The following RMI1 variants were observed in gnomAD, a reference collection of about 807,000 sequenced individuals.
RMI1 encodes recQ-mediated genome instability protein 1.
In RMI1, 36 loss-of-function variants were observed where a neutral mutation model predicts 46.7. The ratio of observed to expected loss-of-function variants is 0.77; its 90% confidence interval spans 0.59 to 1.02. The LOEUF (loss-of-function observed/expected upper bound fraction) is 1.02, where lower values mean the gene tolerates loss of function less well. Among genes scored for constraint, RMI1 ranks in the 50% least tolerant of loss-of-function variants. The pLI is 0.00. For missense variants in RMI1, 676 were observed against 713.7 expected, an observed-to-expected ratio of 0.95 and a Z score of 0.60; for synonymous variants, 250 against 252.9, an observed-to-expected ratio of 0.99 and a Z score of 0.11.
intron 1 of RMI1, among the ~76,000 whole-genome samples, chr9:83,984,372 C>T (rs747108718): frequency 1.3e-5 from 2 of 150,280 alleles, no homozygotes; most frequent in Non-Finnish European, 2.9e-5. Context: ...TGGGTTCAAA[C>T]GATTCTCCTG....
Position 84,002,732 on chromosome 9 carries a change from A to G in RMI1, c.1746A>G (p.Gln582=). Residue 582 remains glutamine (Q), a synonymous_variant, in exon 3 of 3, where the codon CAA becomes CAG. Transcript: ENST00000445877. ...QKFLEGLQKC[Q]RDLIDLCCLM... ...TCCTGGAAGGGTTGCAGAAATGTCA[A>G]AGAGATCTAATAGATTTGTGCTGTC... 3 of 1,613,948 alleles carry G rather than the reference A, an allele frequency of 1.9e-6. No individual in the cohort carries two copies. The highest frequency in any genetic ancestry group is 2.5e-6 in the Non-Finnish European group (3 of 1,179,898).
rs1024491039 is a variant in RMI1, at chr9:83,989,673, A to AAT, written c.-126+8783_-126+8784insTA. Among the ~76,000 whole-genome samples, 82 of 148,628 alleles carry AAT rather than the reference A, an allele frequency of 5.5e-4. 2 individuals are homozygous for AAT. Among genetic ancestry groups the AAT allele is most frequent in the Middle Eastern group, 6.8e-3 (2 of 292 alleles). ...AAAATGGCTATCAAAAAGACAAAAA[A>AAT]AAAAATAAAATAAAATAAAAAAGAT... On this transcript the variant is annotated intron_variant, in intron 1 of 2. Transcript: ENST00000445877.
At position 84,001,180 on chromosome 9, in the gene RMI1, A is replaced by T; in HGVS notation, c.194A>T (p.Glu65Val). The T allele has an allele frequency of 6.2e-7, 1 of 1,614,132 alleles. No homozygotes were observed. The highest frequency in any genetic ancestry group is 8.5e-7 in the Non-Finnish European group (1 of 1,179,998). The change falls in exon 3 of 3, where the codon GAG becomes GTG. Residue 65 changes from glutamate (E) to valine (V), a missense_variant. Glu to Val is a moderately radical substitution (Grantham distance 121, BLOSUM62 -2). Coordinates refer to ENST00000445877, the MANE Select transcript of RMI1 (RefSeq NM_001358291.2). ...CTCCTTACTGATCTGAGGGATTTGG[A>T]GCATCCTCTTTTACCCGATGGCATT... ...QWLLTDLRDLEHPLLPDGILE... is the reference protein window; with the variant it reads ...QWLLTDLRDLVHPLLPDGILE...
In RMI1 at chr9:83,992,669, A is replaced by G. The variant is rs560023047; in HGVS notation, c.-125-7040A>G. Among the ~76,000 whole-genome samples the G allele has an allele frequency of 2.0e-5, 3 of 152,348 alleles. No individual in the cohort carries two copies. In the East Asian group the frequency reaches 5.8e-4, roughly 29 times the overall value. On this transcript the variant is annotated intron_variant, in intron 1 of 2. Coordinates refer to ENST00000445877, the MANE Select transcript of RMI1 (RefSeq NM_001358291.2). ...TGCAGTAAATATTGATTTTGGGATT[A>G]CAAATAAATTTTAGTGAGTAGGCAA...
intron 1 of RMI1, among the ~76,000 whole-genome samples, chr9:83,997,761 T>C (rs766808236): frequency 6.6e-6 from 1 of 152,002 alleles, no homozygotes; most frequent in Non-Finnish European, 1.5e-5. Context: ...CCAAACCATA[T>C]CACCTATACT....
At position 83,997,745 on chromosome 9, in the gene RMI1, A is replaced by G. The variant is rs182628905; in HGVS notation, c.-125-1964A>G. ...CAACACTGGGGATTTGGGTGGGGCCACAGACCCAAACCATATCACCTATAC... is the reference window on the plus strand; with the variant it reads ...CAACACTGGGGATTTGGGTGGGGCCGCAGACCCAAACCATATCACCTATAC... On this transcript the variant is annotated intron_variant, in intron 1 of 2. Coordinates refer to ENST00000445877, the MANE Select transcript of RMI1 (RefSeq NM_001358291.2). Among the ~76,000 whole-genome samples the G allele has an allele frequency of 2.0e-3, 302 of 152,180 alleles. 7 individuals carry two copies. Among genetic ancestry groups the G allele is most frequent in the Admixed American group, 0.02 (300 of 15,280 alleles).
At chr9:83,997,574 A>G (rs1479208973) in intron 1 of RMI1, among the ~76,000 whole-genome samples, 2 of 151,984 alleles carry the variant, frequency 1.3e-5, no homozygotes, top group Admixed American at 6.6e-5. Flanking sequence ...TGTCACATGG[A>G]AAACTGGCAT....
chr9:83,982,542 C>T (rs998244579), intron 1 of RMI1, among the ~76,000 whole-genome samples: 2 of 152,130 alleles, frequency 1.3e-5, no homozygotes, highest in Non-Finnish European at 2.9e-5. Flanking sequence ...GTTGCAGGAG[C>T]CTGTAGTCCC....
chr9:84,002,921 G>T lies in RMI1; in HGVS notation c.*57G>T. On this transcript the variant is annotated 3_prime_UTR_variant, in exon 3 of 3. Coordinates refer to ENST00000445877, the MANE Select transcript of RMI1 (RefSeq NM_001358291.2). ...AACAACAAGGAAATATTTAGAATTTGTTCACAATTTTACTTATGATACTTT... is the reference window on the plus strand; with the variant it reads ...AACAACAAGGAAATATTTAGAATTTTTTCACAATTTTACTTATGATACTTT... 6 of 1,083,434 alleles carry T rather than the reference G, an allele frequency of 5.5e-6. No individual in the cohort carries two copies. Among genetic ancestry groups the T allele is most frequent in the Non-Finnish European group, 7.7e-6 (6 of 774,368 alleles). The allele number at this position is 1,083,434 out of a possible 1,614,324, so 67.1% of individuals were successfully genotyped here.
rs765647612 is a variant in RMI1, at chr9:84,002,506, C to T, written c.1520C>T (p.Thr507Ile). 3 of 1,613,946 alleles carry T rather than the reference C, an allele frequency of 1.9e-6. No homozygotes were observed. Among genetic ancestry groups the T allele is most frequent in the South Asian group, 2.2e-5 (2 of 91,082 alleles). ...LMASKPKEVT[T>I]VKVKAFIVTL... ...GCCAGCAAACCAAAGGAAGTTACAA[C>T]AGTGAAAGTGAAAGCATTTATTGTA... The change falls in exon 3 of 3, where the codon ACA (threonine) becomes ATA (isoleucine). Residue 507 changes from threonine to isoleucine, a missense_variant. Coordinates refer to ENST00000445877, the MANE Select transcript of RMI1 (RefSeq NM_001358291.2).
At chr9:83,986,144 AT>A (rs1418250946) in intron 1 of RMI1, among the ~76,000 whole-genome samples, 1 of 152,258 alleles carries the variant, frequency 6.6e-6, no homozygotes, top group Non-Finnish European at 1.5e-5. Flanking sequence ...TTTATGTGCT[AT>A]GTTAGTAGGG....
At chr9:83,987,964 C>T (rs1265151622) in intron 1 of RMI1, among the ~76,000 whole-genome samples, 2 of 152,126 alleles carry the variant, frequency 1.3e-5, no homozygotes, top group South Asian at 2.1e-4. Flanking sequence ...CGGCTCACTG[C>T]AGCCTCAACC....
At chr9:83,989,952 G>A (rs538037427) in intron 1 of RMI1, among the ~76,000 whole-genome samples, 3 of 152,290 alleles carry the variant, frequency 2.0e-5, no homozygotes, top group South Asian at 2.1e-4. Context: ...GAATCCATCA[G>A]CAGACGAATG....
rs1957741360 is a variant in RMI1 at position 84,001,814 on chromosome 9, TACC to T, written c.830_832del (p.Thr277del). 6.2e-7 allele frequency: 1 copy of T among 1,613,930 alleles called. No homozygotes were observed. The highest frequency in any genetic ancestry group is 1.3e-5 in the African/African-American group (1 of 74,910). ...GTTTCACCACAGGTAGTTCCTCAAATACCATTCCCACAAGACAGTCAAGTTTTG... is the reference window on the plus strand; with the variant it reads ...GTTTCACCACAGGTAGTTCCTCAAATATTCCCACAAGACAGTCAAGTTTTG... On this transcript the variant is annotated inframe_deletion, in exon 3 of 3. Transcript: ENST00000445877.
intron 1 of RMI1, among the ~76,000 whole-genome samples, chr9:83,985,892 C>G (rs1487644379): frequency 6.6e-6 from 1 of 152,030 alleles, no homozygotes; most frequent in African/African-American, 2.4e-5. Context: ...GCCTGTAGTC[C>G]CAGCTACTTG....
chr9:83,992,365 A>G (rs943260161), intron 1 of RMI1, among the ~76,000 whole-genome samples: 2 of 152,132 alleles, frequency 1.3e-5, no homozygotes, highest in East Asian at 1.9e-4. Context: ...TCTAAAATAC[A>G]TATTTTCTCC....
intron 1 of RMI1, among the ~76,000 whole-genome samples, chr9:83,986,280 T>C (rs1228772417): frequency 6.6e-6 from 1 of 152,218 alleles, no homozygotes; most frequent in Non-Finnish European, 1.5e-5. Context: ...AATGAAACAA[T>C]TTAGAATGCA....
In RMI1 at chr9:84,001,443, C is replaced by T. The variant is rs780074526; in HGVS notation, c.457C>T (p.Pro153Ser). 1.2e-6 allele frequency: 2 copies of T among 1,613,230 alleles called. No individual in the cohort carries two copies. The highest frequency in any genetic ancestry group is 1.7e-6 in the Non-Finnish European group (2 of 1,179,406). ...ACAAATACAGGGAATGGAATATCAG[C>T]CTATTCCAATTCTTCATAGTGATCT... ...IVQIQGMEYQ[P>S]IPILHSDLPP... The change falls in exon 3 of 3, where the codon CCT becomes TCT. Residue 153 changes from proline to serine, a missense_variant. Coordinates refer to ENST00000445877, the MANE Select transcript of RMI1 (RefSeq NM_001358291.2).
chr9:83,994,760 C>T (rs1281992716), intron 1 of RMI1, among the ~76,000 whole-genome samples: 1 of 152,100 alleles, frequency 6.6e-6, no homozygotes, highest in African/African-American at 2.4e-5. Flanking sequence ...CTCAAGCGTT[C>T]TGCCCATCTC....
Sources: allele counts gnomAD v4.1 joint callset (sites outside exome capture counted in the v4.1 genomes callset), GRCh38; gene constraint gnomAD v4.1.1; transcripts MANE v1.5; gene names NCBI Gene and HGNC (gene_info 2026-07-23, HGNC 2026-07-21).